The following FRY variants were observed in gnomAD, a reference collection of about 807,000 sequenced individuals.
The protein encoded by FRY is FRY microtubule binding protein, also known as protein furry homolog.
A neutral mutation model predicts 348.4 loss-of-function variants in FRY; 128 were observed. The observed-to-expected ratio is 0.37, with a 90% confidence interval of 0.32 to 0.43. The LOEUF (loss-of-function observed/expected upper bound fraction) is 0.43, where lower values mean the gene tolerates loss of function less well. Among genes scored for constraint, FRY ranks in the 20% least tolerant of loss-of-function variants. The probability of loss-of-function intolerance (pLI) is 1.00; values close to 1 mark genes in which losing one functional copy is unlikely to be tolerated. For synonymous variants in FRY, 1,370 were observed against 1,374.7 expected (o/e 1.00, Z 0.08); for missense variants, 2,736 against 3,695.2 (o/e 0.74, Z 6.73).
At chr13:32,192,843 A>C (rs1461201384) in intron 28 of FRY, among the ~76,000 whole-genome samples, 1 of 149,754 alleles carries the variant, frequency 6.7e-6, no homozygotes, top group Non-Finnish European at 1.5e-5. Context: ...TCCCGGGTTC[A>C]AGTGATTCTC....
intron 28 of FRY, among the ~76,000 whole-genome samples, chr13:32,193,098 C>G (rs1883448688): frequency 6.6e-6 from 1 of 150,896 alleles, no homozygotes. Context: ...CACCAGGCTT[C>G]TCCTGGACAA....
At chr13:32,292,636 C>T (rs1004867557) in intron 59 of FRY, among the ~76,000 whole-genome samples, 1 of 151,596 alleles carries the variant, frequency 6.6e-6, no homozygotes, top group Admixed American at 6.6e-5. Context: ...TACTAAAATA[C>T]AAAAAACTAG....
chr13:32,268,534 A>ATATATC, intron 55 of FRY, among the ~76,000 whole-genome samples: 2 of 133,568 alleles, frequency 1.5e-5, no homozygotes, highest in Admixed American at 7.7e-5. Context: ...ATATATATAT[A>ATATATC]TATATCTAGA....
At chr13:32,102,254 A>G (rs1282035871) in intron 3 of FRY, among the ~76,000 whole-genome samples, 1 of 152,232 alleles carries the variant, frequency 6.6e-6, no homozygotes, top group African/African-American at 2.4e-5. Flanking sequence ...TAGGTCTTCA[A>G]TTGATTATTT....
In FRY at chr13:32,161,228, T is replaced by G. The variant is rs1169378509; in HGVS notation, c.1869T>G (p.Leu623=). The G allele has an allele frequency of 1.9e-6, 3 of 1,608,244 alleles. No individual in the cohort carries two copies. In the African/African-American group the frequency reaches 4.0e-5, roughly 21 times the overall value. ...PRLLPDGMSK[L]ELIDLLARLS... ...TGCTTCCTGATGGGATGTCAAAACT[T>G]GAACTTATTGACTTACTGGCTAGGT... Residue 623 remains leucine, a synonymous_variant, in exon 17 of 61, where the codon CTT becomes CTG. Transcript: ENST00000542859.
chr13:32,032,696 T>C (rs1354522178), intron 1 of FRY, among the ~76,000 whole-genome samples: 5 of 152,246 alleles, frequency 3.3e-5, no homozygotes, highest in Admixed American at 3.3e-4. Flanking sequence ...TGATCAATGA[T>C]GCCTTGTATT....
intron 59 of FRY, among the ~76,000 whole-genome samples, chr13:32,291,197 A>G (rs1363811063): frequency 6.6e-6 from 1 of 152,154 alleles, no homozygotes; most frequent in Non-Finnish European, 1.5e-5. Flanking sequence ...GAGACAAACT[A>G]CAACCATTTT....
chr13:32,088,599 A>G (rs1490694262), intron 2 of FRY, among the ~76,000 whole-genome samples: 1 of 152,212 alleles, frequency 6.6e-6, no homozygotes, highest in Non-Finnish European at 1.5e-5. Flanking sequence ...AGACATGTAG[A>G]TGAAACACAT....
intron 2 of FRY, among the ~76,000 whole-genome samples, chr13:32,097,280 G>A (rs1876799374): frequency 1.3e-5 from 2 of 151,786 alleles, no homozygotes; most frequent in Admixed American, 1.3e-4. Context: ...GAGTTTTAAG[G>A]TCTCCCATAT....
chr13:32,275,243 C>A (rs1888471962), intron 56 of FRY: 6 of 323,916 alleles, frequency 1.9e-5, no homozygotes, highest in South Asian at 1.5e-4. Context: ...AAAAAATTAG[C>A]CGGGTGTAGT....
chr13:32,121,031 T>C (rs1878617951), intron 4 of FRY, among the ~76,000 whole-genome samples: 1 of 152,260 alleles, frequency 6.6e-6, no homozygotes, highest in South Asian at 2.1e-4. Flanking sequence ...TGTTTGGTTT[T>C]CCATTCCTGA....
intron 23 of FRY, 37 bp downstream of exon 23, chr13:32,179,836 A>T (rs1400814403): frequency 1.3e-6 from 2 of 1,597,010 alleles, no homozygotes; most frequent in South Asian, 2.2e-5. Flanking sequence ...AAATTCATAC[A>T]TGCTGCTGCT....
intron 7 of FRY, among the ~76,000 whole-genome samples, chr13:32,127,206 G>A (rs1261764586): frequency 1.3e-5 from 2 of 152,016 alleles, no homozygotes; most frequent in Non-Finnish European, 2.9e-5. Context: ...CTCTTTATGC[G>A]ATATTATCTT....
At chr13:32,110,766 T>G (rs568310224) in intron 3 of FRY, among the ~76,000 whole-genome samples, 1 of 152,356 alleles carries the variant, frequency 6.6e-6, no homozygotes, top group African/African-American at 2.4e-5. Context: ...AATTGTATGC[T>G]GTACAATGTT....
At chr13:32,241,052 A>G (rs1002532296) in intron 46 of FRY, among the ~76,000 whole-genome samples, 2 of 152,188 alleles carry the variant, frequency 1.3e-5, no homozygotes, top group African/African-American at 4.8e-5. Flanking sequence ...TGACATTTTA[A>G]GGAACCTCTC....
chr13:32,043,445 T>G (rs1252689229), intron 1 of FRY, among the ~76,000 whole-genome samples: 5 of 152,174 alleles, frequency 3.3e-5, no homozygotes, highest in Non-Finnish European at 7.4e-5. Flanking sequence ...CCGCATGAAG[T>G]GCTGTATATG....
chr13:32,165,916 C>G (rs1190658623), intron 17 of FRY, among the ~76,000 whole-genome samples: 1 of 152,316 alleles, frequency 6.6e-6, no homozygotes, highest in Non-Finnish European at 1.5e-5. Context: ...CAGTAGCACC[C>G]TTGTCTGAGC....
In FRY at chr13:32,244,199, C is replaced by A. The variant is rs377328144; in HGVS notation, c.6828+17C>A. The A allele has an allele frequency of 1.2e-6, 2 of 1,608,848 alleles. No individual in the cohort carries two copies. Among genetic ancestry groups the A allele is most frequent in the African/African-American group, 2.7e-5 (2 of 74,832 alleles). ...TATGTGCAAGTGAGTACTTGGATAA[C>A]TTCACTAAGCAACCAGTCGTTCTAA... is the stretch of plus-strand genomic sequence containing the variant. On this transcript the variant is annotated intron_variant, in intron 47 of 60. Transcript: ENST00000542859.
At position 32,184,669 on chromosome 13, in the gene FRY, G is replaced by A. The variant is rs1882915959; in HGVS notation, c.3124G>A (p.Asp1042Asn). 1.2e-6 allele frequency: 2 copies of A among 1,607,492 alleles called. No individual in the cohort carries two copies. Among genetic ancestry groups the A allele is most frequent in the African/African-American group, 1.3e-5 (1 of 74,804 alleles). Residue 1042 changes from aspartate (D) to asparagine (N), a missense_variant, in exon 25 of 61, where the codon GAT (aspartate) becomes AAT (asparagine). Asp to Asn is a conservative substitution (Grantham distance 23). This residue lies in a region of FRY where 449 missense variants were observed against 576.9 expected (regional missense o/e 0.78). Coordinates refer to ENST00000542859, the MANE Select transcript of FRY (RefSeq NM_023037.3). The stretch of plus-strand genomic sequence containing the variant: ...ACTTCGAATTTTTGAACTTTTGGCT[G>A]ATGCTGGTGTAATAAGTGACAGGTA... ...QLLRIFELLA[D>N]AGVISDSTNG... is the part of the protein sequence containing the mutation.
Sources: allele counts gnomAD v4.1 joint callset (sites outside exome capture counted in the v4.1 genomes callset), GRCh38; gene constraint gnomAD v4.1.1; regional missense constraint gnomAD v4.1.1; transcripts MANE v1.5; gene names NCBI Gene and HGNC (gene_info 2026-07-23, HGNC 2026-07-21).